GLIS1: variants seen among roughly 807,000 people sequenced by gnomAD.
GLIS1 encodes GLIS family zinc finger 1.
Under a neutral mutation model 63.8 loss-of-function variants are expected in GLIS1, and 24 were observed. The observed-to-expected ratio is 0.38, with a 90% CI of 0.27 to 0.53. The LOEUF is 0.53. Among genes scored for constraint, GLIS1 ranks in the 20% least tolerant of loss-of-function variants. The pLI, the probability that GLIS1 is intolerant of heterozygous loss-of-function variation, is 0.85. For synonymous variants in GLIS1, 450 were observed against 482.5 expected (o/e 0.93, Z 0.88); for missense variants, 1,036 against 1,074.1 (o/e 0.96, Z 0.50).
intron 4 of GLIS1, among the ~76,000 whole-genome samples, chr1:53,530,760 C>T (rs551878183): frequency 6.6e-6 from 1 of 151,524 alleles, no homozygotes; most frequent in East Asian, 1.9e-4. Context: ...CAGCCACCCA[C>T]CAACCTCCCT....
intron 8 of GLIS1, 148 bp downstream of exon 8, chr1:53,514,477 A>G: frequency 1.4e-6 from 1 of 735,362 alleles, no homozygotes; most frequent in Non-Finnish European, 2.2e-6. Flanking sequence ...AGTGTGTGGA[A>G]TGCAGTCTGC....
Position 53,526,550 on chromosome 1 carries a change from CACAA to C in GLIS1, c.1483-1667_1483-1664del, listed in dbSNP as rs2100319375. On this transcript the variant is annotated intron_variant, in intron 5 of 10. Transcript: ENST00000628545. This position sits in a 1 kb window ranked among gnomAD's most constrained non-coding sequence, Gnocchi z 4.4. ...ATACACACACACACACACACACACA[CACAA>C]AACCACCACCACCACACACACACAC... is the stretch of plus-strand genomic sequence containing the variant. Among the ~76,000 whole-genome samples, 1 of 151,010 alleles carries C rather than the reference CACAA, an allele frequency of 6.6e-6. No individual in the cohort carries two copies. The highest frequency in any genetic ancestry group is 2.4e-5 in the African/African-American group (1 of 41,208).
intron 2 of GLIS1, among the ~76,000 whole-genome samples, chr1:53,649,758 C>A (rs1645886114): frequency 2.0e-5 from 3 of 152,278 alleles, no homozygotes; most frequent in Admixed American, 2.0e-4. Flanking sequence ...TCTCTTATGA[C>A]TTTCTTAATA....
At chr1:53,650,332 G>A (rs1195222279) in intron 2 of GLIS1, among the ~76,000 whole-genome samples, 1 of 152,184 alleles carries the variant, frequency 6.6e-6, no homozygotes, top group Non-Finnish European at 1.5e-5. Context: ...GCTCACACCT[G>A]TAATCAAAGC....
chr1:53,515,645 C>T (rs762623650), intron 7 of GLIS1, among the ~76,000 whole-genome samples: 5 of 151,936 alleles, frequency 3.3e-5, no homozygotes, highest in Non-Finnish European at 1.5e-5. Flanking sequence ...AGGTCAGAGT[C>T]AGACTTTGCT....
At chr1:53,665,391 G>A (rs547940636) in intron 2 of GLIS1, among the ~76,000 whole-genome samples, 1 of 152,280 alleles carries the variant, frequency 6.6e-6, no homozygotes, top group African/African-American at 2.4e-5. Flanking sequence ...ACTGAAAAGA[G>A]AAGCAGTGTA....
chr1:53,688,985 C>T (rs1646372431), intron 2 of GLIS1, among the ~76,000 whole-genome samples: 1 of 152,218 alleles, frequency 6.6e-6, no homozygotes, highest in South Asian at 2.1e-4. Context: ...ATAAAACTGT[C>T]ACAGTAGTCT....
intron 4 of GLIS1, among the ~76,000 whole-genome samples, chr1:53,586,024 T>C (rs537989387): frequency 6.6e-6 from 1 of 152,316 alleles, no homozygotes; most frequent in Non-Finnish European, 1.5e-5. Context: ...CCAGTCCCTC[T>C]TGTCCTTCCC....
intron 2 of GLIS1, among the ~76,000 whole-genome samples, chr1:53,711,935 TAGCATGGG>T (rs1319440542): frequency 6.6e-6 from 1 of 152,180 alleles, no homozygotes; most frequent in African/African-American, 2.4e-5. Flanking sequence ...AGGCCTTCGC[TAGCATGGG>T]AGCCTGCGGG....
chr1:53,689,611 A>C (rs1646379791), intron 2 of GLIS1, among the ~76,000 whole-genome samples: 1 of 152,098 alleles, frequency 6.6e-6, no homozygotes, highest in Non-Finnish European at 1.5e-5. Flanking sequence ...CATTCTCAAC[A>C]CTTAGCCCAA....
At chr1:53,644,720 G>A (rs1645823813) in intron 2 of GLIS1, among the ~76,000 whole-genome samples, 1 of 152,160 alleles carries the variant, frequency 6.6e-6, no homozygotes, top group Non-Finnish European at 1.5e-5. Flanking sequence ...AAATTAGAAG[G>A]AAAGAATTAA....
chr1:53,540,554 G>A (rs1239532047), intron 4 of GLIS1, among the ~76,000 whole-genome samples: 2 of 152,158 alleles, frequency 1.3e-5, no homozygotes, highest in African/African-American at 2.4e-5. Flanking sequence ...CAGGACAGGT[G>A]CTCAGTAACA....
chr1:53,515,185 A>G (rs561874522), intron 7 of GLIS1, among the ~76,000 whole-genome samples: 3 of 151,934 alleles, frequency 2.0e-5, no homozygotes, highest in Non-Finnish European at 2.9e-5. Flanking sequence ...CTGGAAAAGA[A>G]GAGGCTTGTT....
chr1:53,590,357 C>T (rs78174135), intron 4 of GLIS1, among the ~76,000 whole-genome samples: 5,170 of 152,160 alleles, frequency 0.034, 289 homozygotes, highest in African/African-American at 0.12. Context: ...ACATGCCTTC[C>T]GGACCGTGCT....
At chr1:53,600,495 A>T (rs1645305285) in intron 2 of GLIS1, among the ~76,000 whole-genome samples, 1 of 152,138 alleles carries the variant, frequency 6.6e-6, no homozygotes, top group African/African-American at 2.4e-5. Context: ...TCAGATGGGG[A>T]TGCTAGGTCT....
intron 2 of GLIS1, among the ~76,000 whole-genome samples, chr1:53,694,290 C>G (rs958930634): frequency 3.3e-5 from 5 of 152,178 alleles, no homozygotes; most frequent in Non-Finnish European, 7.4e-5. Flanking sequence ...AAGACATCAG[C>G]AAAGCACACA....
intron 2 of GLIS1, among the ~76,000 whole-genome samples, chr1:53,703,054 C>T (rs1463442854): frequency 1.3e-5 from 2 of 152,232 alleles, no homozygotes; most frequent in Admixed American, 6.5e-5. Context: ...CCAGCATGGG[C>T]AAGTGGCTTC....
At chr1:53,521,908 C>G (rs1444871184) in intron 6 of GLIS1, among the ~76,000 whole-genome samples, 1 of 152,250 alleles carries the variant, frequency 6.6e-6, no homozygotes, top group Non-Finnish European at 1.5e-5. Context: ...CAGCCAAATG[C>G]TCATCTTCCC....
chr1:53,530,044 A>C (rs1569764323), intron 4 of GLIS1, 92 bp from the exon 5 acceptor site: 9 of 1,205,250 alleles, frequency 7.5e-6, no homozygotes, highest in Admixed American at 4.8e-5. Context: ...TGGCCCCAGC[A>C]CCCCTGCCCC....
Sources: gnomAD v4.1 joint callset for allele counts (sites outside exome capture counted in the v4.1 genomes callset) on GRCh38, gnomAD v4.1.1 for gene constraint, Gnocchi (gnomAD v3.1) non-coding constraint, MANE v1.5 for transcripts, NCBI Gene and HGNC (gene_info 2026-07-23, HGNC 2026-07-21) for gene names.